The following PACSIN3 variants were observed in gnomAD, a reference collection of about 807,000 sequenced individuals.
PACSIN3 encodes protein kinase C and casein kinase substrate in neurons protein 3.
A neutral mutation model predicts 56.1 loss-of-function variants in PACSIN3; 34 were observed. The ratio of observed to expected loss-of-function variants is 0.61; its 90% CI spans 0.46 to 0.81. The LOEUF (loss-of-function observed/expected upper bound fraction) is 0.81. Ranked by LOEUF, PACSIN3 falls within the 30% of genes least tolerant of loss-of-function variation. The probability of loss-of-function intolerance (pLI) is 0.00; values close to 1 mark genes in which losing one functional copy is unlikely to be tolerated. For missense variants in PACSIN3, 535 were observed against 592.4 expected (o/e 0.90, Z 1.01); for synonymous variants, 218 against 229.8 (o/e 0.95, Z 0.46).
Position 47,183,029 on chromosome 11 carries a change from A to C in PACSIN3, c.-63T>G. 1 of 328,360 alleles carries C rather than the reference A, an allele frequency of 3.0e-6. No homozygotes were observed. 20.3% of individuals were successfully genotyped at this position (328,360 alleles called of 1,614,324 possible). A position where few individuals can be genotyped will look rare whatever the true frequency, so the allele number is the denominator to read the frequency against. On this transcript the variant is annotated 5_prime_UTR_variant, in exon 2 of 11. Transcript: ENST00000298838. ...CTGGGGCCTAGAGATCACTTCAAGG[A>C]CCCGGGTGTCCAACTCTCAATGCTG...
chr11:47,183,755 C>T (rs1250865060), intron 1 of PACSIN3, among the ~76,000 whole-genome samples: 3 of 152,212 alleles, frequency 2.0e-5, no homozygotes, highest in African/African-American at 7.2e-5. Flanking sequence ...GGTGTGGTGG[C>T]TCACGCCTGT....
intron 4 of PACSIN3, among the ~76,000 whole-genome samples, chr11:47,181,316 A>C (rs984505848): frequency 1.3e-5 from 2 of 151,104 alleles, no homozygotes; most frequent in African/African-American, 2.5e-5. Flanking sequence ...TGTTGTGTAA[A>C]CACTACACTC....
In PACSIN3 at chr11:47,178,795, A is replaced by ATTGGC; in HGVS notation, c.1037+98_1037+99insGCCAA. On this transcript the variant is annotated intron_variant, in intron 9 of 10. Transcript: ENST00000298838. This position sits in a 1 kb window ranked among gnomAD's most constrained non-coding sequence, Gnocchi z 4.2. Reference sequence around the variant, plus strand: ...CCTCAGGTCCCTGGCACCAATTTTCAACCCATTTCAGGTGTGAAAGAAATG... The same window carrying ATTGGC: ...CCTCAGGTCCCTGGCACCAATTTTCATTGGCACCCATTTCAGGTGTGAAAGAAATG... 1 of 1,414,546 alleles carries ATTGGC rather than the reference A, an allele frequency of 7.1e-7. No individual in the cohort carries two copies. The highest frequency in any genetic ancestry group is 9.7e-7 in the Non-Finnish European group (1 of 1,033,832). The allele number at this position is 1,414,546 out of a possible 1,614,324, so 87.6% of individuals were successfully genotyped here.
At position 47,180,586 on chromosome 11, in the gene PACSIN3, C is replaced by A. The variant is rs1953003548; in HGVS notation, c.316G>T (p.Asp106Tyr). The A allele has an allele frequency of 6.2e-7, 1 of 1,604,880 alleles. No homozygotes were observed. Among genetic ancestry groups the A allele is most frequent in the Non-Finnish European group, 8.5e-7 (1 of 1,179,872 alleles). The stretch of plus-strand genomic sequence containing the variant: ...TGCCAGGCGCGCACCCGCTCACTGT[C>A]CTGCCCTTGCAGCTTCTCCCGCACC... The part of the protein sequence containing the change: ...LEVREKLQGQ[D>Y]SERVRAWQRG... Residue 106 changes from aspartate (D) to tyrosine (Y), a missense_variant, in exon 5 of 11, where the codon GAC (aspartate) becomes TAC (tyrosine). Physicochemically the swap from Asp to Tyr is radical, Grantham distance 160. Transcript: ENST00000298838.
Position 47,180,179 on chromosome 11 carries a change from C to T in PACSIN3, c.603+7G>A. 1 of 1,601,492 alleles carries T rather than the reference C, an allele frequency of 6.2e-7. No individual in the cohort carries two copies. The highest frequency in any genetic ancestry group is 1.7e-5 in the Admixed American group (1 of 59,992). On this transcript the variant is annotated splice_region_variant and intron_variant, in intron 6 of 10. Transcript: ENST00000298838. ...CGGGGGCCAGGGCTGGGACCTGTGG[C>T]CTGTACCTTCTCGGCCTCCTTGGCA...
Position 47,178,800 on chromosome 11 carries a change from A to T in PACSIN3, c.1037+94T>A. ...GGTCCCTGGCACCAATTTTCAACCC[A>T]TTTCAGGTGTGAAAGAAATGAAACC... On this transcript the variant is annotated intron_variant, in intron 9 of 10. Coordinates refer to ENST00000298838, the MANE Select transcript of PACSIN3 (RefSeq NM_016223.5). The surrounding 1 kb of genome is among the most constrained non-coding windows in gnomAD (Gnocchi z 4.2). The T allele has an allele frequency of 1.4e-6, 2 of 1,455,148 alleles. No homozygotes were observed. The highest frequency in any genetic ancestry group is 1.9e-6 in the Non-Finnish European group (2 of 1,063,400). 90.1% of individuals were successfully genotyped at this position (1,455,148 alleles called of 1,614,324 possible).
In PACSIN3 at chr11:47,182,564, G is replaced by C; in HGVS notation, c.55-5C>G. Reference sequence around the variant, plus strand: ...CGTGCGCCTGTAGTTGCCAGCCTGGGCATACAGGAAAAGGGTGCCATCACC... The same window carrying C: ...CGTGCGCCTGTAGTTGCCAGCCTGGCCATACAGGAAAAGGGTGCCATCACC... On this transcript the variant is annotated splice_polypyrimidine_tract_variant and splice_region_variant and intron_variant, in intron 3 of 10. Transcript: ENST00000298838. 4 of 1,608,754 alleles carry C rather than the reference G, an allele frequency of 2.5e-6. No homozygotes were observed. Among genetic ancestry groups the C allele is most frequent in the Non-Finnish European group, 3.4e-6 (4 of 1,176,090 alleles).
chr11:47,182,305 C>T (rs1447864968), intron 4 of PACSIN3, 98 bp downstream of exon 4: 33 of 1,177,604 alleles, frequency 2.8e-5, no homozygotes, highest in Admixed American at 4.3e-5. Flanking sequence ...GGAGGGTAGA[C>T]GTGGAGGCCT....
At chr11:47,180,380 C>G (rs556905338) in intron 5 of PACSIN3, 39 bp from the exon 6 acceptor site, 13 of 1,599,924 alleles carry the variant, frequency 8.1e-6, no homozygotes, top group Admixed American at 3.3e-5. Context: ...CTGGATGCCA[C>G]ACCTTGGCCC....
In PACSIN3 at chr11:47,179,375, T is replaced by A; in HGVS notation, c.779+36A>T. ...CGGGGAGATGGAGGAGACCCAGTAC[T>A]ACCCCAGATCTCCATGCCCACCAGG... On this transcript the variant is annotated intron_variant, in intron 7 of 10. Coordinates refer to ENST00000298838, the MANE Select transcript of PACSIN3 (RefSeq NM_016223.5). The surrounding 1 kb of genome is among the most constrained non-coding windows in gnomAD (Gnocchi z 4.4). 3 of 1,613,292 alleles carry A rather than the reference T, an allele frequency of 1.9e-6. No homozygotes were observed. Among genetic ancestry groups the A allele is most frequent in the Non-Finnish European group, 2.5e-6 (3 of 1,179,480 alleles).
intron 5 of PACSIN3, 54 bp downstream of exon 5, chr11:47,180,401 T>C (rs1952996754): frequency 1.3e-6 from 2 of 1,596,632 alleles, no homozygotes; most frequent in African/African-American, 1.3e-5. Context: ...CCTCGATCCC[T>C]TGCAAACAAA....
intron 4 of PACSIN3, among the ~76,000 whole-genome samples, chr11:47,181,377 A>G (rs1035004772): frequency 3.3e-5 from 5 of 152,224 alleles, no homozygotes; most frequent in African/African-American, 1.2e-4. Flanking sequence ...GACAGCTTGC[A>G]GGGTGGAAAG....
Position 47,179,661 on chromosome 11 carries a change from C to CTGG in PACSIN3, c.604-76_604-75insCCA. Reference sequence around the variant, plus strand: ...GGACTCCACCAGTGTTTACCAGACACTGCCATAGGCTGCTAGACCCAGGGC... The same window carrying CTGG: ...GGACTCCACCAGTGTTTACCAGACACTGGTGCCATAGGCTGCTAGACCCAGGGC... On this transcript the variant is annotated intron_variant, in intron 6 of 10. Transcript: ENST00000298838. The surrounding 1 kb of genome is among the most constrained non-coding windows in gnomAD (Gnocchi z 4.4). The CTGG allele has an allele frequency of 6.2e-6, 9 of 1,442,178 alleles. No homozygotes were observed. The highest frequency in any genetic ancestry group is 8.5e-6 in the Non-Finnish European group (9 of 1,058,624). The allele number at this position is 1,442,178 out of a possible 1,614,324, so 89.3% of individuals were successfully genotyped here.
At position 47,179,359 on chromosome 11, in the gene PACSIN3, G is replaced by A; in HGVS notation, c.779+52C>T. 1 of 1,612,938 alleles carries A rather than the reference G, an allele frequency of 6.2e-7. No homozygotes were observed. The highest frequency in any genetic ancestry group is 2.2e-5 in the East Asian group (1 of 44,866). On this transcript the variant is annotated intron_variant, in intron 7 of 10. Coordinates refer to ENST00000298838, the MANE Select transcript of PACSIN3 (RefSeq NM_016223.5). The surrounding 1 kb of genome is among the most constrained non-coding windows in gnomAD (Gnocchi z 4.4). Reference sequence around the variant, plus strand: ...GTCCCAGCCAGGGCCTCGGGGAGATGGAGGAGACCCAGTACTACCCCAGAT... The same window carrying A: ...GTCCCAGCCAGGGCCTCGGGGAGATAGAGGAGACCCAGTACTACCCCAGAT...
chr11:47,179,292 G>A lies in PACSIN3; in HGVS notation c.780-13C>T, dbSNP rs1351387601. On this transcript the variant is annotated splice_polypyrimidine_tract_variant and intron_variant, in intron 7 of 10. Transcript: ENST00000298838. This position sits in a 1 kb window ranked among gnomAD's most constrained non-coding sequence, Gnocchi z 4.4. ...GAGTTCATGGAACCTATGACCCAAG[G>A]CACACCCCTCAGTCTAGGAAGTCTA... The A allele has an allele frequency of 8.7e-6, 14 of 1,613,888 alleles. No individual in the cohort carries two copies. The highest frequency in any genetic ancestry group is 1.2e-5 in the Non-Finnish European group (14 of 1,180,030).
Position 47,179,660 on chromosome 11 carries a change from A to C in PACSIN3, c.604-74T>G. The C allele has an allele frequency of 6.1e-6, 9 of 1,478,194 alleles. No individual in the cohort carries two copies. Among genetic ancestry groups the C allele is most frequent in the Non-Finnish European group, 7.4e-6 (8 of 1,083,532 alleles). 91.6% of individuals were successfully genotyped at this position (1,478,194 alleles called of 1,614,324 possible). A position where few individuals can be genotyped will look rare whatever the true frequency, so the allele number is the denominator to read the frequency against. ...AGGACTCCACCAGTGTTTACCAGACACTGCCATAGGCTGCTAGACCCAGGG... is the reference window on the plus strand; with the variant it reads ...AGGACTCCACCAGTGTTTACCAGACCCTGCCATAGGCTGCTAGACCCAGGG... On this transcript the variant is annotated intron_variant, in intron 6 of 10. Transcript: ENST00000298838. The surrounding 1 kb of genome is among the most constrained non-coding windows in gnomAD (Gnocchi z 4.4).
chr11:47,178,547 C>A lies in PACSIN3; in HGVS notation c.1038-60G>T. On this transcript the variant is annotated intron_variant, in intron 9 of 10. Coordinates refer to ENST00000298838, the MANE Select transcript of PACSIN3 (RefSeq NM_016223.5). This position sits in a 1 kb window ranked among gnomAD's most constrained non-coding sequence, Gnocchi z 4.2. ...GCAAGGAACACGGGGCTGGAGATCT[C>A]ACCCAGGATCAGGGCAAAGGCCTCC... The A allele has an allele frequency of 1.3e-6, 2 of 1,582,174 alleles. No homozygotes were observed. Among genetic ancestry groups the A allele is most frequent in the Non-Finnish European group, 1.7e-6 (2 of 1,162,848 alleles).
In PACSIN3 at chr11:47,179,662, T is replaced by TGGTG; in HGVS notation, c.604-77_604-76insCACC. ...GACTCCACCAGTGTTTACCAGACAC[T>TGGTG]GCCATAGGCTGCTAGACCCAGGGCT... is the stretch of plus-strand genomic sequence containing the variant. On this transcript the variant is annotated intron_variant, in intron 6 of 10. Coordinates refer to ENST00000298838, the MANE Select transcript of PACSIN3 (RefSeq NM_016223.5). This position sits in a 1 kb window ranked among gnomAD's most constrained non-coding sequence, Gnocchi z 4.4. The TGGTG allele has an allele frequency of 6.9e-7, 1 of 1,443,838 alleles. No homozygotes were observed. Among genetic ancestry groups the TGGTG allele is most frequent in the Non-Finnish European group, 9.4e-7 (1 of 1,059,926 alleles). 89.4% of individuals were successfully genotyped at this position (1,443,838 alleles called of 1,614,324 possible). A position where few individuals can be genotyped will look rare whatever the true frequency, so the allele number is the denominator to read the frequency against.
intron 4 of PACSIN3, 56 bp downstream of exon 4, chr11:47,182,347 T>TG: frequency 6.7e-7 from 1 of 1,502,654 alleles, no homozygotes; most frequent in South Asian, 1.3e-5. Context: ...AAAAAGAAGC[T>TG]GGCCCGACAG....
Sources: allele counts gnomAD v4.1 joint callset (sites outside exome capture counted in the v4.1 genomes callset), GRCh38; gene constraint gnomAD v4.1.1; non-coding constraint Gnocchi (gnomAD v3.1); transcripts MANE v1.5; gene names NCBI Gene and HGNC (gene_info 2026-07-23, HGNC 2026-07-21).